UNC13C: variants seen among roughly 807,000 people sequenced by gnomAD.
UNC13C encodes protein unc-13 homolog C.
UNC13C carries 174 observed loss-of-function variants against 245.4 expected under a neutral mutation model. The observed-to-expected ratio is 0.71, with a 90% CI of 0.63 to 0.80. UNC13C has a LOEUF of 0.80. Ranked by LOEUF, UNC13C falls within the 30% of genes least tolerant of loss-of-function variation. The pLI, the probability that UNC13C is intolerant of heterozygous loss-of-function variation, is 0.00. For missense variants in UNC13C, 2,829 were observed against 2,602.9 expected (o/e 1.09, Z -1.89); for synonymous variants, 992 against 895.1 (o/e 1.11, Z -1.93).
intron 19 of UNC13C, among the ~76,000 whole-genome samples, chr15:54,474,516 T>C (rs1223318886): frequency 6.6e-6 from 1 of 151,962 alleles, no homozygotes. Flanking sequence ...CTTTTTAATG[T>C]AATTATTTGT....
At chr15:53,926,967 G>C in the UNC13C span, among the ~76,000 whole-genome samples, 3 of 152,152 alleles carry the variant, frequency 2.0e-5, no homozygotes, top group Admixed American at 1.3e-4. Context: ...CCGTGAGTAA[G>C]CATTTTCCTC....
At chr15:54,498,616 A>G (rs1047645106) in intron 20 of UNC13C, among the ~76,000 whole-genome samples, 2 of 152,190 alleles carry the variant, frequency 1.3e-5, no homozygotes, top group Non-Finnish European at 2.9e-5. Flanking sequence ...TTTCTGTATT[A>G]TAGCCACAAA....
the UNC13C span, among the ~76,000 whole-genome samples, chr15:53,878,237 C>G: frequency 4.6e-5 from 7 of 152,280 alleles, no homozygotes; most frequent in Admixed American, 2.0e-4. Context: ...TCTGTGATCA[C>G]TATTATCACC....
In UNC13C at chr15:54,623,851, G is replaced by T; in HGVS notation, c.6256G>T (p.Glu2086Ter). The change falls in exon 32 of 33, where the codon GAA becomes TAA. Residue 2086 changes from glutamate to a stop codon, truncating the protein, a stop_gained. Coordinates refer to ENST00000260323, the MANE Select transcript of UNC13C (RefSeq NM_001080534.3). LOFTEE classifies it high-confidence loss of function. ...CACAGCAATGTTCCGCCCCTTTGTG[G>T]AAGTTTGTATACTGGGACCCAACCT... ...QTTAMFRPFV[E>*]VCILGPNLGD... 6.2e-7 allele frequency: 1 copy of T among 1,613,140 alleles called. No homozygotes were observed. The highest frequency in any genetic ancestry group is 8.5e-7 in the Non-Finnish European group (1 of 1,179,448).
At chr15:54,273,954 A>G (rs1386219225) in intron 10 of UNC13C, among the ~76,000 whole-genome samples, 3 of 152,182 alleles carry the variant, frequency 2.0e-5, no homozygotes, top group African/African-American at 4.8e-5. Context: ...TTTGGTTAGT[A>G]TCCGCCCCAA....
upstream of UNC13C, among the ~76,000 whole-genome samples, chr15:53,978,332 G>A (rs1416565676): frequency 3.9e-5 from 6 of 152,154 alleles, no homozygotes; most frequent in Non-Finnish European, 8.8e-5. Flanking sequence ...CCTGTGAGCA[G>A]GGGCTGTAGC....
At chr15:54,468,641 G>A (rs934514840) in intron 19 of UNC13C, among the ~76,000 whole-genome samples, 1 of 151,444 alleles carries the variant, frequency 6.6e-6, no homozygotes, top group Non-Finnish European at 1.5e-5. Context: ...GTGAGTTAAG[G>A]GTCCATTTTC....
chr15:54,050,586 A>G, intron 2 of UNC13C: 1 of 421,638 alleles, frequency 2.4e-6, no homozygotes, highest in Middle Eastern at 8.2e-4. Flanking sequence ...ACTTTTTTCC[A>G]CTCTTTCTAA....
intron 4 of UNC13C, among the ~76,000 whole-genome samples, chr15:54,167,602 G>GAAAAAAAAAAAAAA (rs35210236): frequency 1.1e-4 from 7 of 63,570 alleles, no homozygotes; most frequent in East Asian, 1.1e-3. Flanking sequence ...ATCCAAATAG[G>GAAAAAAAAAAAAAA]AAAAAAAAAA....
chr15:54,602,923 G>A (rs1899523830), intron 30 of UNC13C, among the ~76,000 whole-genome samples: 1 of 10,368 alleles, frequency 9.6e-5, no homozygotes, highest in African/African-American at 3.3e-3. Context: ...CCTGCAAGTT[G>A]GCCTCTGTGT....
intron 17 of UNC13C, among the ~76,000 whole-genome samples, chr15:54,341,616 T>A (rs1232493042): frequency 1.3e-5 from 2 of 150,630 alleles, no homozygotes; most frequent in Non-Finnish European, 3.0e-5. Context: ...TACAAAAAAA[T>A]ATAGAAACCA....
chr15:53,952,030 G>C, the UNC13C span, among the ~76,000 whole-genome samples: 1 of 152,154 alleles, frequency 6.6e-6, no homozygotes, highest in Non-Finnish European at 1.5e-5. Context: ...TACTGCGTTG[G>C]TTTATGTATC....
the UNC13C span, among the ~76,000 whole-genome samples, chr15:53,856,956 G>A: frequency 7.9e-5 from 12 of 152,052 alleles, no homozygotes; most frequent in African/African-American, 2.7e-4. Context: ...ATAAATCTGG[G>A]TGCTCCTGTA....
At position 54,171,715 on chromosome 15, in the gene UNC13C, A is replaced by G. The variant is rs149136046; in HGVS notation, c.3071+28031A>G. ...TATGGAGGTTCCTCAAAAATCTAGA[A>G]ATAGAGCCACCGTATGATCCAGCAA... is the stretch of plus-strand genomic sequence containing the variant. On this transcript the variant is annotated intron_variant, in intron 4 of 32. Coordinates refer to ENST00000260323, the MANE Select transcript of UNC13C (RefSeq NM_001080534.3). 1.7e-3 allele frequency among the ~76,000 whole-genome samples: 258 copies of G among 152,252 alleles called. 1 individual carries two copies. Among genetic ancestry groups the G allele is most frequent in the African/African-American group, 5.9e-3 (244 of 41,576 alleles).
chr15:53,976,473 C>CTTTTTT (rs1164175117), upstream of UNC13C, among the ~76,000 whole-genome samples: 137 of 27,466 alleles, frequency 5.0e-3, no homozygotes, highest in Admixed American at 0.047. Context: ...CTCTCTCTCT[C>CTTTTTT]TCTCTTTTTT....
At chr15:54,435,411 G>T (rs1271066469) in intron 19 of UNC13C, among the ~76,000 whole-genome samples, 1 of 152,092 alleles carries the variant, frequency 6.6e-6, no homozygotes, top group Non-Finnish European at 1.5e-5. Context: ...AAAAGGATGA[G>T]TTTATGTCCT....
intron 1 of UNC13C, among the ~76,000 whole-genome samples, chr15:54,009,126 C>T (rs1481416608): frequency 1.3e-5 from 2 of 152,180 alleles, no homozygotes; most frequent in Non-Finnish European, 2.9e-5. Context: ...CACACACATA[C>T]AGTAGGAGCT....
chr15:54,133,093 A>G (rs2031527894), intron 2 of UNC13C, among the ~76,000 whole-genome samples: 1 of 152,218 alleles, frequency 6.6e-6, no homozygotes. Flanking sequence ...GTAACTGGTG[A>G]ATAAACATTC....
intron 2 of UNC13C, among the ~76,000 whole-genome samples, chr15:54,058,748 A>G (rs970956260): frequency 6.6e-6 from 1 of 152,240 alleles, no homozygotes; most frequent in Non-Finnish European, 1.5e-5. Context: ...CAGCACATCA[A>G]AAAGCTTATC....
Sources: allele counts gnomAD v4.1 joint callset (sites outside exome capture counted in the v4.1 genomes callset), GRCh38; gene constraint gnomAD v4.1.1; transcripts MANE v1.5; gene names NCBI Gene and HGNC (gene_info 2026-07-23, HGNC 2026-07-21).